Variants in ATP11A observed in about 807,000 individuals in gnomAD.
The protein encoded by ATP11A is ATPase phospholipid transporting 11A, also known as phospholipid-transporting ATPase IH.
A neutral mutation model predicts 154.4 loss-of-function variants in ATP11A; 81 were observed. That is an observed-to-expected ratio of 0.52 (90% CI 0.44 to 0.63). The LOEUF (loss-of-function observed/expected upper bound fraction) is 0.63, where lower values mean the gene tolerates loss of function less well. Ranked by LOEUF, ATP11A falls within the 30% of genes least tolerant of loss-of-function variation. The pLI is 0.00. For synonymous variants in ATP11A, 623 were observed against 585.9 expected (o/e 1.06, Z -0.91); for missense variants, 1,316 against 1,474.3 (o/e 0.89, Z 1.76).
intron 1 of ATP11A, among the ~76,000 whole-genome samples, chr13:112,771,946 C>T (rs2077234906): frequency 6.6e-6 from 1 of 152,164 alleles, no homozygotes; most frequent in Non-Finnish European, 1.5e-5. Flanking sequence ...CGGGGTGGTC[C>T]GTGGTCTTAC....
intron 6 of ATP11A, among the ~76,000 whole-genome samples, chr13:112,816,473 A>G (rs34617338): frequency 0.065 from 9,827 of 152,188 alleles, 458 homozygotes; most frequent in Middle Eastern, 0.14. Context: ...TTATAGTGAA[A>G]TTGTTATTAG....
chr13:112,819,425 G>T lies in ATP11A; in HGVS notation c.674+18G>T. 1 of 1,613,114 alleles carries T rather than the reference G, an allele frequency of 6.2e-7. No homozygotes were observed. Among genetic ancestry groups the T allele is most frequent in the South Asian group, 1.1e-5 (1 of 91,012 alleles). ...CTCTACAAGTAAGCGGGAGCTTTGG[G>T]TTCTTTAGAAACGGTTTTTTATGCC... On this transcript the variant is annotated intron_variant, in intron 7 of 29. Transcript: ENST00000375645.
At position 112,690,705 on chromosome 13, in the gene ATP11A, C is replaced by T. The variant is rs975072091; in HGVS notation, c.39+250C>T. 6.6e-6 allele frequency among the ~76,000 whole-genome samples: 1 copy of T among 151,978 alleles called. No homozygotes were observed. The highest frequency in any genetic ancestry group is 6.5e-5 in the Admixed American group (1 of 15,280). On this transcript the variant is annotated intron_variant, in intron 1 of 29. Transcript: ENST00000375645. This position sits in a 1 kb window ranked among gnomAD's most constrained non-coding sequence, Gnocchi z 5.6. ...CCCGGGCGGCCACCTGCTCCCTGGC[C>T]GCGGCCGCCTGGCGCCCCCTTCCCG...
At chr13:112,842,808 C>T (rs2079461451) in intron 17 of ATP11A, among the ~76,000 whole-genome samples, 1 of 152,238 alleles carries the variant, frequency 6.6e-6, no homozygotes, top group Non-Finnish European at 1.5e-5. Context: ...GGGTTTCTTT[C>T]CCCATCTGGG....
At chr13:112,741,422 G>A (rs374720450) in intron 1 of ATP11A, among the ~76,000 whole-genome samples, 11 of 152,188 alleles carry the variant, frequency 7.2e-5, no homozygotes, top group East Asian at 3.9e-4. Context: ...AAGGTGGCCC[G>A]GTCCCTGCGG....
At chr13:112,853,315 T>C in intron 18 of ATP11A, among the ~76,000 whole-genome samples, 1 of 152,072 alleles carries the variant, frequency 6.6e-6, no homozygotes, top group Middle Eastern at 3.4e-3. Context: ...TACACATACA[T>C]ACACACACAT....
At chr13:112,795,754 A>G (rs142273842) in intron 2 of ATP11A, among the ~76,000 whole-genome samples, 1 of 152,390 alleles carries the variant, frequency 6.6e-6, no homozygotes, top group African/African-American at 2.4e-5. Flanking sequence ...AATGGAGAGT[A>G]ACTGACTTTT....
intron 26 of ATP11A, among the ~76,000 whole-genome samples, chr13:112,872,946 G>T: frequency 6.7e-6 from 1 of 149,318 alleles, no homozygotes; most frequent in African/African-American, 2.6e-5. Context: ...TTGTCTTCCT[G>T]AGCGGTGTGA....
At chr13:112,706,019 C>T (rs139725297) in intron 1 of ATP11A, among the ~76,000 whole-genome samples, 282 of 152,206 alleles carry the variant, frequency 1.9e-3, no homozygotes, top group African/African-American at 6.3e-3. Context: ...CAAACTGAAA[C>T]TGATTAGGGG....
intron 1 of ATP11A, among the ~76,000 whole-genome samples, chr13:112,691,483 GGT>G (rs58956060): frequency 0.052 from 6,553 of 124,930 alleles, 160 homozygotes; most frequent in Middle Eastern, 0.099. Context: ...AAAAAAAAAG[GGT>G]GTGTGTGTGT....
chr13:112,815,229 T>C (rs1398346767), intron 5 of ATP11A, among the ~76,000 whole-genome samples: 6 of 149,686 alleles, frequency 4.0e-5, no homozygotes, highest in South Asian at 2.2e-4. Flanking sequence ...AGACACACAG[T>C]CCAGGCCACT....
intron 1 of ATP11A, among the ~76,000 whole-genome samples, chr13:112,725,416 C>T (rs916512045): frequency 6.6e-6 from 1 of 152,194 alleles, no homozygotes; most frequent in Non-Finnish European, 1.5e-5. Flanking sequence ...CAGCCTCCTT[C>T]GCCCCCATCG....
chr13:112,864,560 GC>G, intron 25 of ATP11A, among the ~76,000 whole-genome samples: 2 of 67,420 alleles, frequency 3.0e-5, no homozygotes, highest in Non-Finnish European at 5.5e-5. Flanking sequence ...ATTCAGTGCG[GC>G]CCATGCAGCT....
rs1884974939 is a variant in ATP11A at position 112,690,184 on chromosome 13, A to G, written c.-233A>G. On this transcript the variant is annotated 5_prime_UTR_variant, in exon 1 of 30. Transcript: ENST00000375645. The surrounding 1 kb of genome is among the most constrained non-coding windows in gnomAD (Gnocchi z 5.6). ...AGAGCGCGCGCGCGCGGCCCCGAGC[A>G]GCAGCCTTGCCGCCAGTGGAGCAGC... 6.5e-6 allele frequency: 1 copy of G among 153,306 alleles called. No homozygotes were observed. Among genetic ancestry groups the G allele is most frequent in the South Asian group, 2.0e-4 (1 of 4,894 alleles). 9.5% of individuals were successfully genotyped at this position (153,306 alleles called of 1,614,324 possible).
intron 2 of ATP11A, among the ~76,000 whole-genome samples, chr13:112,790,008 C>T (rs1271074803): frequency 6.9e-6 from 1 of 144,460 alleles, no homozygotes; most frequent in Non-Finnish European, 1.5e-5. Context: ...CTACTTAATT[C>T]ACACCCAGCA....
intron 29 of ATP11A, 32 bp downstream of exon 29, chr13:112,878,335 A>C (rs775137345): frequency 6.2e-7 from 1 of 1,608,494 alleles, no homozygotes; most frequent in South Asian, 1.1e-5. Flanking sequence ...CGCACCTGGG[A>C]TGGTAGACAC....
chr13:112,703,676 C>T (rs771751616), intron 1 of ATP11A, among the ~76,000 whole-genome samples: 3 of 151,744 alleles, frequency 2.0e-5, no homozygotes, highest in Admixed American at 6.6e-5. Context: ...TGTAACAGAC[C>T]GCAGTTCCCG....
At chr13:112,803,806 C>T (rs1411555609) in intron 2 of ATP11A, among the ~76,000 whole-genome samples, 1 of 102,348 alleles carries the variant, frequency 9.8e-6, no homozygotes, top group African/African-American at 4.3e-5. Flanking sequence ...ACTTCCCCTC[C>T]CTCCCCTCCT....
At chr13:112,826,929 C>A in intron 12 of ATP11A, 38 bp downstream of exon 12, 1 of 1,606,526 alleles carries the variant, frequency 6.2e-7, no homozygotes, top group Non-Finnish European at 8.5e-7. Flanking sequence ...GATTTATTAA[C>A]ATCTGGGTGA....
Sources: gnomAD v4.1 joint callset for allele counts (sites outside exome capture counted in the v4.1 genomes callset) on GRCh38, gnomAD v4.1.1 for gene constraint, Gnocchi (gnomAD v3.1) non-coding constraint, MANE v1.5 for transcripts, NCBI Gene and HGNC (gene_info 2026-07-23, HGNC 2026-07-21) for gene names.